UNC5D: variants seen among roughly 807,000 people sequenced by gnomAD.
UNC5D encodes the protein netrin receptor UNC5D.
UNC5D carries 39 observed loss-of-function variants against 105.4 expected under a neutral mutation model. The observed-to-expected ratio is 0.37, with a 90% confidence interval of 0.29 to 0.48. UNC5D has a LOEUF of 0.48. Ranked by LOEUF, UNC5D falls within the 20% of genes least tolerant of loss-of-function variation. UNC5D has a pLI of 0.98. For missense variants in UNC5D, 991 were observed against 1,202.4 expected, an observed-to-expected ratio of 0.82 and a Z score of 2.60; for synonymous variants, 452 against 450.4, an observed-to-expected ratio of 1.00 and a Z score of -0.04.
intron 12 of UNC5D, among the ~76,000 whole-genome samples, chr8:35,750,142 T>G (rs1042794756): frequency 6.7e-6 from 1 of 149,050 alleles, no homozygotes; most frequent in Non-Finnish European, 1.5e-5. Context: ...ATTTCTTGAG[T>G]TTTTTTTTCT....
intron 4 of UNC5D, among the ~76,000 whole-genome samples, chr8:35,672,114 CTG>C (rs1824851183): frequency 6.6e-6 from 1 of 152,034 alleles, no homozygotes; most frequent in Non-Finnish European, 1.5e-5. Flanking sequence ...TGATACGTGT[CTG>C]TGTATCATTA....
At chr8:35,250,396 G>T (rs180966131) in intron 1 of UNC5D, among the ~76,000 whole-genome samples, 2 of 152,236 alleles carry the variant, frequency 1.3e-5, no homozygotes, top group African/African-American at 2.4e-5. Flanking sequence ...GATTCAGGGG[G>T]TGCATGTGCA....
intron 1 of UNC5D, among the ~76,000 whole-genome samples, chr8:35,445,658 C>T (rs564697789): frequency 6.6e-6 from 1 of 152,128 alleles, no homozygotes; most frequent in East Asian, 1.9e-4. Context: ...CTATCTATAA[C>T]CCAGTAGTCT....
At position 35,643,520 on chromosome 8, in the gene UNC5D, T is replaced by C. The variant is rs941099925; in HGVS notation, c.571-40027T>C. Among the ~76,000 whole-genome samples the C allele has an allele frequency of 8.5e-5, 13 of 152,236 alleles. No homozygotes were observed. The East Asian group carries it at 2.3e-3, about 27-fold the overall frequency. ...TTAGTAGAGATGGGGTTTCACCATA[T>C]TAGTATTTTTAGTAGAGACAGGGTT... On this transcript the variant is annotated intron_variant, in intron 4 of 16. Coordinates refer to ENST00000404895, the MANE Select transcript of UNC5D (RefSeq NM_080872.4).
intron 1 of UNC5D, among the ~76,000 whole-genome samples, chr8:35,517,805 T>C (rs946869740): frequency 3.9e-5 from 6 of 152,214 alleles, no homozygotes; most frequent in South Asian, 2.1e-4. Flanking sequence ...CTTGTAGTTC[T>C]GGAGCTTGGG....
intron 1 of UNC5D, among the ~76,000 whole-genome samples, chr8:35,427,204 G>C (rs186012255): frequency 7.9e-5 from 12 of 152,272 alleles, no homozygotes; most frequent in African/African-American, 2.9e-4. Context: ...TTCCTAATAA[G>C]AAGATGCTGA....
chr8:35,430,155 C>T (rs780244414), intron 1 of UNC5D, among the ~76,000 whole-genome samples: 1 of 152,088 alleles, frequency 6.6e-6, no homozygotes, highest in Non-Finnish European at 1.5e-5. Context: ...GACTTTCAGC[C>T]TGCTCAACCT....
At chr8:35,295,492 A>G (rs1807415175) in intron 1 of UNC5D, among the ~76,000 whole-genome samples, 1 of 152,154 alleles carries the variant, frequency 6.6e-6, no homozygotes, top group Non-Finnish European at 1.5e-5. Flanking sequence ...AGGGCCAACC[A>G]TGTTTTATTT....
chr8:35,287,584 A>G (rs540589684), intron 1 of UNC5D, among the ~76,000 whole-genome samples: 1 of 151,912 alleles, frequency 6.6e-6, no homozygotes, highest in Non-Finnish European at 1.5e-5. Context: ...ATTTGAGTCC[A>G]GGAGTTCAAG....
At chr8:35,733,895 G>A (rs565827220) in intron 11 of UNC5D, among the ~76,000 whole-genome samples, 64 of 152,184 alleles carry the variant, frequency 4.2e-4, no homozygotes, top group African/African-American at 1.5e-3. Flanking sequence ...AAGGAGTAAG[G>A]TCTATAGCTC....
intron 1 of UNC5D, among the ~76,000 whole-genome samples, chr8:35,253,473 C>CTTTTTTTTTTCT (rs1803850579): frequency 3.0e-5 from 3 of 99,820 alleles, no homozygotes; most frequent in African/African-American, 1.2e-4. Context: ...ATTTTATTTC[C>CTTTTTTTTTTCT]TTTTTTTTTT....
intron 1 of UNC5D, among the ~76,000 whole-genome samples, chr8:35,428,346 A>T (rs1475165006): frequency 1.9e-3 from 179 of 92,688 alleles, no homozygotes; most frequent in Admixed American, 2.7e-3. Context: ...ATGCCTGGCT[A>T]TTTTTTTTTT....
chr8:35,514,103 G>A (rs1812957295), intron 1 of UNC5D, among the ~76,000 whole-genome samples: 1 of 152,162 alleles, frequency 6.6e-6, no homozygotes, highest in Non-Finnish European at 1.5e-5. Flanking sequence ...GGCATTTCAA[G>A]GCAGAACCCT....
chr8:35,677,964 G>A (rs956888184), intron 4 of UNC5D, among the ~76,000 whole-genome samples: 19 of 151,678 alleles, frequency 1.3e-4, no homozygotes, highest in African/African-American at 3.1e-4. Flanking sequence ...ATATATATAC[G>A]TGTGTGTATG....
chr8:35,731,813 G>T (rs1829212416), intron 11 of UNC5D, among the ~76,000 whole-genome samples: 1 of 152,268 alleles, frequency 6.6e-6, no homozygotes, highest in African/African-American at 2.4e-5. Context: ...ACTCTATACT[G>T]CCCGAGAGAC....
intron 15 of UNC5D, among the ~76,000 whole-genome samples, chr8:35,770,421 A>G (rs2131725593): frequency 6.6e-6 from 1 of 152,268 alleles, no homozygotes; most frequent in South Asian, 2.1e-4. Context: ...GATTTTTCAA[A>G]CAAACCCAGT....
At chr8:35,766,771 C>A in intron 14 of UNC5D, 131 bp from the exon 15 acceptor site, 1 of 1,096,090 alleles carries the variant, frequency 9.1e-7, no homozygotes, top group African/African-American at 1.6e-5. Flanking sequence ...AGGCAATTAT[C>A]TCTGCTGTGA....
At chr8:35,433,542 G>T (rs1053328052) in intron 1 of UNC5D, among the ~76,000 whole-genome samples, 4 of 152,004 alleles carry the variant, frequency 2.6e-5, no homozygotes, top group African/African-American at 7.2e-5. Flanking sequence ...GTTATGAAAA[G>T]ACTCCTTTTA....
At chr8:35,248,128 T>C (rs1159742364) in intron 1 of UNC5D, among the ~76,000 whole-genome samples, 2 of 67,586 alleles carry the variant, frequency 3.0e-5, no homozygotes, top group Non-Finnish European at 4.9e-5. Flanking sequence ...AATATATAAA[T>C]ATATATTATA....
Sources: allele counts gnomAD v4.1 joint callset (sites outside exome capture counted in the v4.1 genomes callset), GRCh38; gene constraint gnomAD v4.1.1; transcripts MANE v1.5; gene names NCBI Gene and HGNC (gene_info 2026-07-23, HGNC 2026-07-21).